Variants in DENND6A observed in about 807,000 individuals in gnomAD.
The protein encoded by DENND6A is protein DENND6A.
In DENND6A, 43 loss-of-function variants were observed where a neutral mutation model predicts 95.5. The observed-to-expected ratio is 0.45, with a 90% CI of 0.35 to 0.58. DENND6A has a LOEUF of 0.58. Ranked by LOEUF, DENND6A falls within the 20% of genes least tolerant of loss-of-function variation. The pLI, the probability that DENND6A is intolerant of heterozygous loss-of-function variation, is 0.00. For synonymous variants in DENND6A, 257 were observed against 260.4 expected (o/e 0.99, Z 0.13); for missense variants, 574 against 736.0 (o/e 0.78, Z 2.55).
At chr3:57,692,632 G>C (rs2077279579) in intron 1 of DENND6A, 150 bp downstream of exon 1, 1 of 686,444 alleles carries the variant, frequency 1.5e-6, no homozygotes, top group Non-Finnish European at 2.2e-6. Context: ...CCGTAGGACC[G>C]CAGCCCGAAA....
At chr3:57,673,061 A>T (rs1286866853) in intron 1 of DENND6A, among the ~76,000 whole-genome samples, 1 of 151,428 alleles carries the variant, frequency 6.6e-6, no homozygotes, top group Non-Finnish European at 1.5e-5. Context: ...CTAAAATACA[A>T]AAATTAGCTG....
At chr3:57,666,337 C>T in intron 3 of DENND6A, 102 bp from the exon 4 acceptor site, 1 of 928,572 alleles carries the variant, frequency 1.1e-6, no homozygotes, top group East Asian at 2.8e-5. Context: ...ATCATTTTAA[C>T]CCATTCTGTC....
intron 4 of DENND6A, 36 bp downstream of exon 4, chr3:57,666,087 C>T: frequency 6.4e-7 from 1 of 1,557,142 alleles, no homozygotes; most frequent in Non-Finnish European, 8.8e-7. Flanking sequence ...AAAGTTTCCT[C>T]TCACATGGAC....
rs2070561708 is a variant in DENND6A at position 57,627,643 on chromosome 3, CAAT to C, written c.*568_*570del. 6.6e-6 allele frequency: 1 copy of C among 152,022 alleles called. No individual in the cohort carries two copies. Among genetic ancestry groups the C allele is most frequent in the Non-Finnish European group, 1.5e-5 (1 of 67,916 alleles). 9.4% of individuals were successfully genotyped at this position (152,022 alleles called of 1,614,324 possible). A position where few individuals can be genotyped will look rare whatever the true frequency, so the allele number is the denominator to read the frequency against. On this transcript the variant is annotated 3_prime_UTR_variant, in exon 20 of 20. Transcript: ENST00000311128. ...GGTAGCAAGAAACTTTTTTTTTAAA[CAAT>C]GATCACTCAACAGAATACCTTATAA...
At chr3:57,667,299 C>A (rs770184477) in intron 3 of DENND6A, among the ~76,000 whole-genome samples, 50 of 151,866 alleles carry the variant, frequency 3.3e-4, no homozygotes, top group African/African-American at 1.1e-3. Flanking sequence ...GGATTACAGG[C>A]GTAAGCCACT....
intron 4 of DENND6A, among the ~76,000 whole-genome samples, chr3:57,665,483 T>C (rs2071512216): frequency 2.0e-5 from 3 of 152,134 alleles, no homozygotes; most frequent in Admixed American, 1.3e-4. Flanking sequence ...GCTATTATTA[T>C]CATTGGTTGG....
At position 57,633,290 on chromosome 3, in the gene DENND6A, AGTTC is replaced by A. The variant is rs2153412214; in HGVS notation, c.1324_1327del (p.Glu442Ter). On this transcript the variant is annotated frameshift_variant, in exon 15 of 20. Coordinates refer to ENST00000311128, the MANE Select transcript of DENND6A (RefSeq NM_152678.3). LOFTEE classifies it high-confidence loss of function. ...TAATGGAATGATGAAACTTTGTGTC[AGTTC>A]CAAAAAATAGCGTCGAAGAATAACA... 1 of 1,613,816 alleles carries A rather than the reference AGTTC, an allele frequency of 6.2e-7. No homozygotes were observed. The highest frequency in any genetic ancestry group is 1.1e-5 in the South Asian group (1 of 91,008).
At chr3:57,641,241 ATATAT>A (rs958494376) in intron 12 of DENND6A, among the ~76,000 whole-genome samples, 5 of 143,742 alleles carry the variant, frequency 3.5e-5, no homozygotes, top group African/African-American at 5.0e-5. Context: ...ATATTTAAAT[ATATAT>A]TATATATTTA....
intron 9 of DENND6A, among the ~76,000 whole-genome samples, chr3:57,646,973 AG>A (rs923144361): frequency 6.6e-6 from 1 of 152,216 alleles, no homozygotes; most frequent in African/African-American, 2.4e-5. Flanking sequence ...TTTTTACAGC[AG>A]CCCTGGAATT....
chr3:57,669,945 G>A (rs1055978402), intron 3 of DENND6A, among the ~76,000 whole-genome samples: 1 of 150,898 alleles, frequency 6.6e-6, no homozygotes, highest in African/African-American at 2.4e-5. Flanking sequence ...CACTTGAACT[G>A]GGAGGCGGAG....
chr3:57,628,544 A>T lies in DENND6A; in HGVS notation c.1696-199T>A, dbSNP rs181971883. On this transcript the variant is annotated intron_variant, in intron 19 of 19. Coordinates refer to ENST00000311128, the MANE Select transcript of DENND6A (RefSeq NM_152678.3). The stretch of plus-strand genomic sequence containing the variant: ...AGCTCAATAAAAGGCTTCTATGTAA[A>T]TTCATAATAATACCTAGAAATATAA... Among the ~76,000 whole-genome samples, 100 of 152,344 alleles carry T rather than the reference A, an allele frequency of 6.6e-4. 1 individual carries two copies. Among genetic ancestry groups the T allele is most frequent in the Admixed American group, 1.2e-3 (18 of 15,306 alleles).
intron 12 of DENND6A, among the ~76,000 whole-genome samples, chr3:57,637,763 C>G (rs1259838716): frequency 2.1e-5 from 2 of 94,286 alleles, no homozygotes; most frequent in Non-Finnish European, 4.4e-5. Flanking sequence ...ATAAATAAGA[C>G]TTCAAAAAAA....
intron 5 of DENND6A, among the ~76,000 whole-genome samples, chr3:57,662,350 C>G (rs1008420069): frequency 6.6e-6 from 1 of 151,778 alleles, no homozygotes; most frequent in African/African-American, 2.4e-5. Flanking sequence ...GCCATCAAGT[C>G]TGGCTATTTT....
intron 1 of DENND6A, among the ~76,000 whole-genome samples, chr3:57,684,649 T>C (rs1384713114): frequency 6.6e-6 from 1 of 151,870 alleles, no homozygotes; most frequent in Middle Eastern, 3.2e-3. Flanking sequence ...CCAGGCATGT[T>C]GGTACACACC....
At position 57,626,380 on chromosome 3, in the gene DENND6A, A is replaced by G. The variant is rs2070527631; in HGVS notation, c.*1834T>C. On this transcript the variant is annotated 3_prime_UTR_variant, in exon 20 of 20. Transcript: ENST00000311128. ...TTAGAGGATAATTCAAGACACAGCTATTAACCACATGCTGTGTCATGTGTG... is the reference window on the plus strand; with the variant it reads ...TTAGAGGATAATTCAAGACACAGCTGTTAACCACATGCTGTGTCATGTGTG... 1 of 152,244 alleles carries G rather than the reference A, an allele frequency of 6.6e-6. No individual in the cohort carries two copies. Among genetic ancestry groups the G allele is most frequent in the Non-Finnish European group, 1.5e-5 (1 of 68,036 alleles). 9.4% of individuals were successfully genotyped at this position (152,244 alleles called of 1,614,324 possible).
At chr3:57,668,660 G>T (rs1419925178) in intron 3 of DENND6A, among the ~76,000 whole-genome samples, 4 of 152,142 alleles carry the variant, frequency 2.6e-5, no homozygotes, top group African/African-American at 9.7e-5. Flanking sequence ...GTGGCGGAGG[G>T]GCGGGGAAGG....
At chr3:57,690,643 C>G (rs1477185106) in intron 1 of DENND6A, among the ~76,000 whole-genome samples, 1 of 150,878 alleles carries the variant, frequency 6.6e-6, no homozygotes, top group Non-Finnish European at 1.5e-5. Context: ...GAAATTACAC[C>G]ACTGCACTCC....
intron 8 of DENND6A, 38 bp from the exon 9 acceptor site, chr3:57,657,773 C>T (rs1575842505): frequency 2.2e-6 from 3 of 1,391,766 alleles, no homozygotes; most frequent in Non-Finnish European, 3.0e-6. Context: ...AAGGTATCAC[C>T]AAAATTTATG....
rs2070593720 is a variant in DENND6A, at chr3:57,628,890, A to C, written c.1621-5T>G. On this transcript the variant is annotated splice_polypyrimidine_tract_variant and splice_region_variant and intron_variant, in intron 18 of 19. Transcript: ENST00000311128. ...CTGGATCCAGAGAAGTAAGTCCTAG[A>C]ATAAATAAAGTCCCAAATCAGTAAG... 1 of 1,610,182 alleles carries C rather than the reference A, an allele frequency of 6.2e-7. No homozygotes were observed. Among genetic ancestry groups the C allele is most frequent in the African/African-American group, 1.3e-5 (1 of 74,752 alleles).
Sources: gnomAD v4.1 joint callset for allele counts (sites outside exome capture counted in the v4.1 genomes callset) on GRCh38, gnomAD v4.1.1 for gene constraint, MANE v1.5 for transcripts, NCBI Gene and HGNC (gene_info 2026-07-23, HGNC 2026-07-21) for gene names.